The following PLXDC2 variants were observed in gnomAD, a reference collection of about 807,000 sequenced individuals.
PLXDC2 encodes the protein plexin domain-containing protein 2.
In PLXDC2, 40 loss-of-function variants were observed where a neutral mutation model predicts 68.9. That is an observed-to-expected ratio of 0.58 (90% CI 0.45 to 0.76). PLXDC2 has a LOEUF of 0.76. PLXDC2 is among the 30% of genes least tolerant of loss of function. The pLI is 0.00. For synonymous variants in PLXDC2, 243 were observed against 234.2 expected (o/e 1.04, Z -0.34); for missense variants, 644 against 661.9 (o/e 0.97, Z 0.30).
chr10:20,060,011 C>T (rs1267617090), intron 3 of PLXDC2, among the ~76,000 whole-genome samples: 1 of 151,974 alleles, frequency 6.6e-6, no homozygotes, highest in African/African-American at 2.4e-5. Flanking sequence ...TTCTGTCAAC[C>T]ACTTTTTAGT....
chr10:20,020,026 A>AT (rs1835278705), intron 2 of PLXDC2, among the ~76,000 whole-genome samples: 2 of 138,722 alleles, frequency 1.4e-5, no homozygotes, highest in African/African-American at 5.5e-5. Flanking sequence ...TTTTTTTTTT[A>AT]TTTTTTGTTT....
At chr10:20,157,219 A>G (rs914016151) in intron 6 of PLXDC2, among the ~76,000 whole-genome samples, 4 of 152,244 alleles carry the variant, frequency 2.6e-5, no homozygotes, top group African/African-American at 9.6e-5. Flanking sequence ...CTTTGAGTTT[A>G]TTGTGGGATT....
chr10:19,875,868 A>G (rs534238198), intron 1 of PLXDC2, among the ~76,000 whole-genome samples: 5 of 152,226 alleles, frequency 3.3e-5, no homozygotes, highest in Non-Finnish European at 7.3e-5. Context: ...CATGTAAAAT[A>G]TGGGACATTT....
intron 4 of PLXDC2, among the ~76,000 whole-genome samples, chr10:20,072,424 G>GAGAAAGAAAGAAAGAA (rs60778723): frequency 0.012 from 1,517 of 130,324 alleles, 67 homozygotes; most frequent in African/African-American, 0.042. Flanking sequence ...GAAAGAAAGA[G>GAGAAAGAAAGAAAGAA]AGAAAGAAAG....
intron 2 of PLXDC2, among the ~76,000 whole-genome samples, chr10:20,034,404 C>T (rs1835546406): frequency 6.6e-6 from 1 of 152,070 alleles, no homozygotes; most frequent in Non-Finnish European, 1.5e-5. Flanking sequence ...TATTAATGTT[C>T]AAATTAATTT....
In PLXDC2 at chr10:19,833,831, C is replaced by T. The variant is rs568544140; in HGVS notation, c.112+16640C>T. On this transcript the variant is annotated intron_variant, in intron 1 of 13. Coordinates refer to ENST00000377252, the MANE Select transcript of PLXDC2 (RefSeq NM_032812.9). ...AAGCAATCTATGTGTAAGAAAAAGA[C>T]ACCTGTTCTAAGATTGCATCAATGA... 3.3e-5 allele frequency among the ~76,000 whole-genome samples: 5 copies of T among 152,200 alleles called. No individual in the cohort carries two copies. The South Asian group carries it at 1.0e-3, about 32-fold the overall frequency.
intron 4 of PLXDC2, among the ~76,000 whole-genome samples, chr10:20,074,613 C>G (rs1197118394): frequency 1.3e-5 from 2 of 152,130 alleles, no homozygotes; most frequent in Admixed American, 1.3e-4. Flanking sequence ...AATCTCCCTG[C>G]TCCTTTTTTG....
At position 20,211,877 on chromosome 10, in the gene PLXDC2, A is replaced by G; in HGVS notation, c.1122+148A>G. The G allele has an allele frequency of 5.5e-6, 4 of 723,732 alleles. No individual in the cohort carries two copies. In the South Asian group the frequency reaches 7.3e-5, roughly 13 times the overall value. The allele number at this position is 723,732 out of a possible 1,614,324, so 44.8% of individuals were successfully genotyped here. A position where few individuals can be genotyped will look rare whatever the true frequency, so the allele number is the denominator to read the frequency against. On this transcript the variant is annotated intron_variant, in intron 10 of 13. Transcript: ENST00000377252. ...TATAAGCCCAATGTCTGCAAATATTAGGGGTTCGATAACAGCTGGCTATTT... is the reference window on the plus strand; with the variant it reads ...TATAAGCCCAATGTCTGCAAATATTGGGGGTTCGATAACAGCTGGCTATTT...
chr10:20,127,873 TG>T (rs1288190071), intron 4 of PLXDC2, among the ~76,000 whole-genome samples: 8 of 152,104 alleles, frequency 5.3e-5, no homozygotes, highest in African/African-American at 1.9e-4. Flanking sequence ...TTCATTAGGT[TG>T]GGGGCATTAT....
chr10:19,836,490 C>T (rs1185366400), intron 1 of PLXDC2, among the ~76,000 whole-genome samples: 1 of 152,122 alleles, frequency 6.6e-6, no homozygotes, highest in East Asian at 1.9e-4. Context: ...TTAATTAAGG[C>T]TTAGATGATA....
At chr10:20,122,508 G>A (rs1392861444) in intron 4 of PLXDC2, among the ~76,000 whole-genome samples, 1 of 152,208 alleles carries the variant, frequency 6.6e-6, no homozygotes, top group Non-Finnish European at 1.5e-5. Context: ...TGGCTGCCAG[G>A]TGAGTTGGAC....
Position 19,852,258 on chromosome 10 carries a change from G to A in PLXDC2, c.112+35067G>A, listed in dbSNP as rs531889494. 2.4e-4 allele frequency among the ~76,000 whole-genome samples: 36 copies of A among 151,550 alleles called. 1 individual carries two copies. In the South Asian group the frequency reaches 6.1e-3, roughly 26 times the overall value. On this transcript the variant is annotated intron_variant, in intron 1 of 13. Coordinates refer to ENST00000377252, the MANE Select transcript of PLXDC2 (RefSeq NM_032812.9). ...ATCTCTACAACAAATTAAAAAATTA[G>A]CCAGGCATGCTGGCTCATGCCTGTG...
chr10:19,936,674 T>G (rs1359373312), intron 1 of PLXDC2, among the ~76,000 whole-genome samples: 1 of 152,212 alleles, frequency 6.6e-6, no homozygotes, highest in Non-Finnish European at 1.5e-5. Context: ...CGTGATGTAT[T>G]GTTGGTAACT....
At chr10:20,184,349 AT>A (rs1285723930) in intron 9 of PLXDC2, among the ~76,000 whole-genome samples, 10 of 148,344 alleles carry the variant, frequency 6.7e-5, no homozygotes, top group African/African-American at 2.2e-4. Flanking sequence ...AAAACATAAT[AT>A]ATAAAAATTA....
At chr10:19,912,563 GAGTA>G (rs773718539) in intron 1 of PLXDC2, among the ~76,000 whole-genome samples, 3 of 151,980 alleles carry the variant, frequency 2.0e-5, no homozygotes, top group Non-Finnish European at 4.4e-5. Flanking sequence ...TGGACAACAG[GAGTA>G]ATGATATTGG....
chr10:20,080,726 A>G (rs1046577674), intron 4 of PLXDC2, among the ~76,000 whole-genome samples: 7 of 152,254 alleles, frequency 4.6e-5, no homozygotes, highest in South Asian at 4.2e-4. Flanking sequence ...ACATCCTCAC[A>G]GACACAGCCA....
At chr10:19,895,164 T>A (rs1201654784) in intron 1 of PLXDC2, among the ~76,000 whole-genome samples, 1 of 152,106 alleles carries the variant, frequency 6.6e-6, no homozygotes, top group Admixed American at 6.6e-5. Context: ...TCTTAACAAC[T>A]AGGGGAAGCC....
At chr10:20,104,950 C>A (rs1009319570) in intron 4 of PLXDC2, among the ~76,000 whole-genome samples, 1 of 148,636 alleles carries the variant, frequency 6.7e-6, no homozygotes, top group Non-Finnish European at 1.5e-5. Context: ...ACTCAGGAGG[C>A]TGAGGCAGGA....
intron 1 of PLXDC2, among the ~76,000 whole-genome samples, chr10:19,991,246 CAA>C (rs372597238): frequency 2.3e-5 from 3 of 130,624 alleles, no homozygotes; most frequent in Non-Finnish European, 4.9e-5. Flanking sequence ...AACTCTCTCT[CAA>C]AAAAAAAAAA....
Sources: gnomAD v4.1 joint callset for allele counts (sites outside exome capture counted in the v4.1 genomes callset) on GRCh38, gnomAD v4.1.1 for gene constraint, MANE v1.5 for transcripts, NCBI Gene and HGNC (gene_info 2026-07-23, HGNC 2026-07-21) for gene names.